TGM5: variants seen among roughly 807,000 people sequenced by gnomAD.
TGM5 encodes the protein protein-glutamine gamma-glutamyltransferase 5.
TGM5 carries 69 observed loss-of-function variants against 77.2 expected under a neutral mutation model. The observed-to-expected ratio is 0.89, with a 90% confidence interval of 0.74 to 1.09. TGM5 has a LOEUF of 1.09. TGM5 is among the 50% of genes least tolerant of loss of function. TGM5 has a pLI of 0.00. For synonymous variants in TGM5, 346 were observed against 351.8 expected (o/e 0.98, Z 0.18); for missense variants, 842 against 896.5 (o/e 0.94, Z 0.78).
intron 11 of TGM5, among the ~76,000 whole-genome samples, chr15:43,234,451 C>T (rs760583359): frequency 1.1e-4 from 16 of 152,336 alleles, no homozygotes; most frequent in South Asian, 2.1e-4. Context: ...GGCTCTCCCC[C>T]GACCAGAGAC....
intron 6 of TGM5, among the ~76,000 whole-genome samples, chr15:43,249,243 G>A (rs1479764677): frequency 6.6e-6 from 1 of 152,168 alleles, no homozygotes; most frequent in African/African-American, 2.4e-5. Flanking sequence ...TTCCCAGGAT[G>A]CCTGGCTTCT....
chr15:43,241,118 G>T, intron 6 of TGM5, 128 bp from the exon 7 acceptor site: 1 of 1,202,222 alleles, frequency 8.3e-7, no homozygotes, highest in Non-Finnish European at 1.2e-6. Context: ...GGAGCTGTCT[G>T]GAACACTGGA....
intron 4 of TGM5, among the ~76,000 whole-genome samples, chr15:43,254,259 G>A (rs895510360): frequency 2.0e-5 from 3 of 152,130 alleles, no homozygotes; most frequent in African/African-American, 7.2e-5. Flanking sequence ...CCCTCTCCGC[G>A]TGAGACTCAG....
chr15:43,234,310 G>T (rs951815496), intron 11 of TGM5, among the ~76,000 whole-genome samples: 9 of 152,184 alleles, frequency 5.9e-5, no homozygotes, highest in African/African-American at 2.2e-4. Flanking sequence ...GAATGTCAGA[G>T]CAGGCGGGGT....
intron 1 of TGM5, among the ~76,000 whole-genome samples, chr15:43,264,370 A>AAC (rs1451563942): frequency 1.3e-5 from 2 of 152,194 alleles, no homozygotes; most frequent in African/African-American, 2.4e-5. Flanking sequence ...AAGTAGAAAC[A>AAC]ACACAATTGT....
At chr15:43,252,982 C>T in intron 5 of TGM5, 46 bp from the exon 6 acceptor site, 1 of 1,600,412 alleles carries the variant, frequency 6.2e-7, no homozygotes, top group Non-Finnish European at 8.5e-7. Flanking sequence ...TCCATTTCCT[C>T]AACATGCCAT....
At chr15:43,259,931 G>A in intron 3 of TGM5, 121 bp downstream of exon 3, 1 of 1,406,140 alleles carries the variant, frequency 7.1e-7, no homozygotes, top group Non-Finnish European at 9.9e-7. Context: ...CGGATGCTGA[G>A]TGCAGGGAAT....
chr15:43,262,767 A>G (rs1338957620), intron 1 of TGM5, among the ~76,000 whole-genome samples: 1 of 152,238 alleles, frequency 6.6e-6, no homozygotes, highest in Non-Finnish European at 1.5e-5. Context: ...GCCCACAGCC[A>G]ATACCATACT....
At chr15:43,241,205 T>C in intron 6 of TGM5, 1 of 637,904 alleles carries the variant, frequency 1.6e-6, no homozygotes, top group East Asian at 2.9e-5. Flanking sequence ...GGATGCTGAC[T>C]GCTCAGACAA....
intron 3 of TGM5, 111 bp from the exon 4 acceptor site, chr15:43,256,797 G>A (rs542497939): frequency 3.0e-5 from 25 of 820,036 alleles, no homozygotes; most frequent in East Asian, 4.8e-5. Context: ...GGCCCCTGGC[G>A]ACACCAAGAG....
At position 43,240,986 on chromosome 15, in the gene TGM5, C is replaced by CA. The variant is rs1256674185; in HGVS notation, c.866dup (p.Met289IlefsTer28). 1 of 1,614,146 alleles carries CA rather than the reference C, an allele frequency of 6.2e-7. No homozygotes were observed. The highest frequency in any genetic ancestry group is 8.5e-7 in the Non-Finnish European group (1 of 1,180,034). ...CACGGGTAGGGATCCCCAGACACCT[C>CA]ATCACTGCAAAAAGGGCACAAAAAA... is the stretch of plus-strand genomic sequence containing the variant. On this transcript the variant is annotated frameshift_variant, in exon 7 of 13. Transcript: ENST00000220420. LOFTEE classifies it high-confidence loss of function.
In TGM5 at chr15:43,234,831, T is replaced by TGAAG; in HGVS notation, c.1812_1813insCTTC (p.Ser605LeufsTer4). The TGAAG allele has an allele frequency of 6.2e-7, 1 of 1,614,242 alleles. No homozygotes were observed. Among genetic ancestry groups the TGAAG allele is most frequent in the Non-Finnish European group, 8.5e-7 (1 of 1,180,036 alleles). ...TTGTTCACCAGGATTTTCTCAGGAC[T>TGAAG]GCTTTTCTCTTCACCCAGGGCACTG... On this transcript the variant is annotated frameshift_variant, in exon 11 of 13. Coordinates refer to ENST00000220420, the MANE Select transcript of TGM5 (RefSeq NM_201631.4). LOFTEE classifies it high-confidence loss of function.
intron 6 of TGM5, among the ~76,000 whole-genome samples, chr15:43,249,818 C>T (rs768453197): frequency 2.0e-5 from 3 of 152,190 alleles, no homozygotes; most frequent in Non-Finnish European, 4.4e-5. Flanking sequence ...CTTTGAGGCA[C>T]GCAAAGCCTC....
intron 6 of TGM5, among the ~76,000 whole-genome samples, chr15:43,246,059 G>T (rs2042668294): frequency 6.6e-6 from 1 of 152,070 alleles, no homozygotes; most frequent in African/African-American, 2.4e-5. Context: ...TGCTTTAAAA[G>T]ACCTCTAGTC....
chr15:43,244,221 C>T (rs566233007), intron 6 of TGM5, among the ~76,000 whole-genome samples: 42 of 152,352 alleles, frequency 2.8e-4, no homozygotes, highest in Admixed American at 1.4e-3. Context: ...ATGTGTCTGT[C>T]TTACCTTGTC....
intron 6 of TGM5, 34 bp from the exon 7 acceptor site, chr15:43,241,024 C>T: frequency 6.2e-7 from 1 of 1,613,984 alleles, no homozygotes. Flanking sequence ...CACCTGTGAG[C>T]TGTAGATTCC....
chr15:43,234,925 C>A lies in TGM5; in HGVS notation c.1719G>T (p.Lys573Asn). The A allele has an allele frequency of 6.2e-7, 1 of 1,613,944 alleles. No individual in the cohort carries two copies. The highest frequency in any genetic ancestry group is 8.5e-7 in the Non-Finnish European group (1 of 1,179,942). Reference protein sequence around the residue: ...AFITLSPKEAKTYPCKISYSQ... With the variant: ...AFITLSPKEANTYPCKISYSQ... ...AATAGGAGATTTTGCAGGGGTAGGTCTTTGCTAAAGAAAGAACACAAGGAT... is the reference window on the plus strand; with the variant it reads ...AATAGGAGATTTTGCAGGGGTAGGTATTTGCTAAAGAAAGAACACAAGGAT... Residue 573 changes from lysine (K) to asparagine (N), a missense_variant, in exon 11 of 13, where the codon AAG (lysine) becomes AAT (asparagine). Transcript: ENST00000220420.
intron 10 of TGM5, 53 bp from the exon 11 acceptor site, chr15:43,234,982 C>T: frequency 2.7e-5 from 44 of 1,605,556 alleles, no homozygotes; most frequent in Non-Finnish European, 3.7e-5. Context: ...ATCAGCCGTA[C>T]CTGGGTTGGA....
At position 43,233,538 on chromosome 15, in the gene TGM5, C is replaced by G; in HGVS notation, c.2009+16G>C. On this transcript the variant is annotated intron_variant, in intron 12 of 12. Coordinates refer to ENST00000220420, the MANE Select transcript of TGM5 (RefSeq NM_201631.4). ...GGGGGAAAAACAGGAGAAGGCTGAG[C>G]ACTTGCAGCACTTACAAGACTTTCT... The G allele has an allele frequency of 6.2e-7, 1 of 1,614,114 alleles. No homozygotes were observed. Among genetic ancestry groups the G allele is most frequent in the Non-Finnish European group, 8.5e-7 (1 of 1,180,040 alleles).
Sources: allele counts gnomAD v4.1 joint callset (sites outside exome capture counted in the v4.1 genomes callset), GRCh38; gene constraint gnomAD v4.1.1; transcripts MANE v1.5; gene names NCBI Gene and HGNC (gene_info 2026-07-23, HGNC 2026-07-21).